XRCC3: variants seen among roughly 807,000 people sequenced by gnomAD.
The protein encoded by XRCC3 is X-ray repair cross complementing 3.
In XRCC3, 34 loss-of-function variants were observed where a neutral mutation model predicts 29.2. That is an observed-to-expected ratio of 1.16 (90% CI 0.88 to 1.55). XRCC3 has a LOEUF of 1.55. XRCC3 is among the 40% of genes most tolerant of loss of function. XRCC3 has a pLI of 0.00. For missense variants in XRCC3, 463 were observed against 467.6 expected (o/e 0.99, Z 0.09); for synonymous variants, 223 against 211.3 (o/e 1.06, Z -0.48).
intron 5 of XRCC3, 147 bp from the exon 6 acceptor site, chr14:103,707,362 G>T: frequency 1.0e-6 from 1 of 1,001,068 alleles, no homozygotes; most frequent in Non-Finnish European, 1.5e-6. Flanking sequence ...GCAAGGTGCT[G>T]AGGGCAGGGA....
In XRCC3 at chr14:103,703,247, T is replaced by A. The variant is rs1220812158; in HGVS notation, c.487A>T (p.Thr163Ser). ...QLMAQQPRLR[T>S]DVPGELLQKL... ...TGAAGCAGCTCTCCTGGAACGTCAG[T>A]GCGCAGCCGCGGCTGCTGGGCCATG... The change falls in exon 7 of 10, where the codon ACT (threonine) becomes TCT (serine). Residue 163 changes from threonine (T) to serine (S), a missense_variant. Transcript: ENST00000555055. 1.3e-6 allele frequency: 2 copies of A among 1,563,522 alleles called. No homozygotes were observed. Among genetic ancestry groups the A allele is most frequent in the African/African-American group, 2.7e-5 (2 of 73,624 alleles).
rs372985882 is a variant in XRCC3 at position 103,708,549 on chromosome 14, G to A, written c.166C>T (p.His56Tyr). Reference sequence around the variant, plus strand: ...GTAAGGATGCTGCTTCCCCGCAAGTGTAAGGAGGCCGTTCTCAGCAAGTGC... The same window carrying A: ...GTAAGGATGCTGCTTCCCCGCAAGTATAAGGAGGCCGTTCTCAGCAAGTGC... ...VWHLLRTASL[H>Y]LRGSSILTAL... Residue 56 changes from histidine (H) to tyrosine (Y), a missense_variant, in exon 5 of 10, where the codon CAC (histidine) becomes TAC (tyrosine). Coordinates refer to ENST00000555055, the MANE Select transcript of XRCC3 (RefSeq NM_005432.4). The A allele has an allele frequency of 6.8e-6, 11 of 1,613,978 alleles. No homozygotes were observed. Among genetic ancestry groups the A allele is most frequent in the African/African-American group, 1.3e-5 (1 of 74,886 alleles).
chr14:103,708,667 A>G lies in XRCC3; in HGVS notation c.56-8T>C. On this transcript the variant is annotated splice_region_variant and splice_polypyrimidine_tract_variant and intron_variant, in intron 4 of 9. Coordinates refer to ENST00000555055, the MANE Select transcript of XRCC3 (RefSeq NM_005432.4). ...TTACCGATTTCAGTTTGGCTGAAAT[A>G]ACACAGATAAATTACAGGAAAATGT... The G allele has an allele frequency of 6.2e-7, 1 of 1,614,130 alleles. No individual in the cohort carries two copies. Among genetic ancestry groups the G allele is most frequent in the Non-Finnish European group, 8.5e-7 (1 of 1,180,012 alleles).
chr14:103,708,543 G>A lies in XRCC3; in HGVS notation c.172C>T (p.Arg58Trp), dbSNP rs143410843. 3.4e-5 allele frequency: 55 copies of A among 1,614,020 alleles called. No individual in the cohort carries two copies. Among genetic ancestry groups the A allele is most frequent in the Non-Finnish European group, 4.3e-5 (51 of 1,180,022 alleles). ...HLLRTASLHL[R>W]GSSILTALQL... ...CTACCTGTAAGGATGCTGCTTCCCC[G>A]CAAGTGTAAGGAGGCCGTTCTCAGC... The change falls in exon 5 of 10, where the codon CGG (arginine) becomes TGG (tryptophan). Residue 58 changes from arginine to tryptophan, a missense_variant. Transcript: ENST00000555055.
intron 6 of XRCC3, 116 bp downstream of exon 6, chr14:103,706,887 C>G (rs1051994960): frequency 8.6e-7 from 1 of 1,159,856 alleles, no homozygotes; most frequent in African/African-American, 1.5e-5. Flanking sequence ...AGGAGGGAGA[C>G]GCAATGGTAG....
chr14:103,703,067 C>A, intron 7 of XRCC3, 106 bp downstream of exon 7: 6 of 1,507,378 alleles, frequency 4.0e-6, no homozygotes, highest in Non-Finnish European at 5.3e-6. Flanking sequence ...TGAGCCCCAA[C>A]TCTCCCTGCC....
At chr14:103,706,644 A>T in intron 6 of XRCC3, 1 of 394,692 alleles carries the variant, frequency 2.5e-6, no homozygotes, top group Non-Finnish European at 4.8e-6. Flanking sequence ...ACCCGGGGAA[A>T]GGCTGTGCTG....
rs77381814 is a variant in XRCC3 at position 103,699,410 on chromosome 14, C to A, written c.728G>T (p.Arg243Leu). The A allele has an allele frequency of 6.2e-7, 1 of 1,612,440 alleles. No homozygotes were observed. The highest frequency in any genetic ancestry group is 8.5e-7 in the Non-Finnish European group (1 of 1,179,750). ...RHLQSLGATL[R>L]ELSSAFQSPV... Reference sequence around the variant, plus strand: ...GCTCTGGAAGGCACTGCTCAGCTCACGCAGCGTGGCCCCCAGGGACTGCAG... The same window carrying A: ...GCTCTGGAAGGCACTGCTCAGCTCAAGCAGCGTGGCCCCCAGGGACTGCAG... Residue 243 changes from arginine to leucine, a missense_variant, in exon 8 of 10, where the codon CGT becomes CTT. By Grantham distance (102) the Arg-to-Leu change is moderately radical. Coordinates refer to ENST00000555055, the MANE Select transcript of XRCC3 (RefSeq NM_005432.4).
chr14:103,699,203 G>T (rs1343801369), intron 8 of XRCC3, 24 bp from the exon 9 acceptor site: 2 of 1,550,984 alleles, frequency 1.3e-6, no homozygotes, highest in Non-Finnish European at 1.7e-6. Context: ...GTCCAGGTCA[G>T]CTGCAACGGC....
chr14:103,708,229 T>A (rs907867544), intron 5 of XRCC3: 5 of 472,768 alleles, frequency 1.1e-5, no homozygotes, highest in Non-Finnish European at 2.0e-5. Flanking sequence ...GGGCTCTGGG[T>A]GCTGACTGCC....
At chr14:103,708,485 C>T in intron 5 of XRCC3, 37 bp downstream of exon 5, 3 of 1,612,502 alleles carry the variant, frequency 1.9e-6, no homozygotes, top group Non-Finnish European at 1.7e-6. Flanking sequence ...GCTGGAGCCA[C>T]ATGTCACCCC....
intron 2 of XRCC3, chr14:103,711,996 G>A (rs999558275): frequency 8.7e-6 from 3 of 346,296 alleles, no homozygotes; most frequent in African/African-American, 6.4e-5. Context: ...AGGAAAGGGC[G>A]GGCCGTGGAC....
At chr14:103,706,340 G>A in intron 6 of XRCC3, 1 of 456,090 alleles carries the variant, frequency 2.2e-6, no homozygotes, top group South Asian at 1.5e-5. Flanking sequence ...TAGCAGATGT[G>A]CTCGGAGGTG....
Position 103,698,844 on chromosome 14 carries a change from ATCG to A in XRCC3, c.992_994del (p.Thr331del). 2 of 1,607,306 alleles carry A rather than the reference ATCG, an allele frequency of 1.2e-6. No homozygotes were observed. The highest frequency in any genetic ancestry group is 1.7e-6 in the Non-Finnish European group (2 of 1,177,546). On this transcript the variant is annotated inframe_deletion, in exon 10 of 10. Transcript: ENST00000555055. ...TGTCCCTCGCACCCCTTCGGCACTG[ATCG>A]TGTAGGAACAGGAGGAGGGGGGCAG...
rs1047962571 is a variant in XRCC3, at chr14:103,699,125, G to A, written c.821+8C>T. 3.8e-6 allele frequency: 6 copies of A among 1,573,036 alleles called. No individual in the cohort carries two copies. The highest frequency in any genetic ancestry group is 3.5e-5 in the South Asian group (3 of 86,696). ...ACAGAGGTGCACACACCACATGGCT[G>A]CACTCACCCCAGCGGCCCGTGTGCT... On this transcript the variant is annotated splice_region_variant and intron_variant, in intron 9 of 9. Coordinates refer to ENST00000555055, the MANE Select transcript of XRCC3 (RefSeq NM_005432.4).
chr14:103,699,226 C>A, intron 8 of XRCC3, 47 bp from the exon 9 acceptor site: 1 of 1,543,896 alleles, frequency 6.5e-7, no homozygotes. Context: ...AGGGTCTTCT[C>A]GATGGTTAGG....
intron 6 of XRCC3, chr14:103,706,314 G>T: frequency 2.2e-6 from 1 of 455,768 alleles, no homozygotes; most frequent in South Asian, 1.5e-5. Flanking sequence ...GTCCGGCCCT[G>T]TGTGGGAAGT....
chr14:103,699,644 T>A, intron 7 of XRCC3, 68 bp from the exon 8 acceptor site: 1 of 1,532,464 alleles, frequency 6.5e-7, no homozygotes, highest in Non-Finnish European at 9.0e-7. Context: ...AGACCCCGTT[T>A]GGACTGTCAC....
Position 103,707,305 on chromosome 14 carries a change from C to T in XRCC3, c.194-90G>A, listed in dbSNP as rs2083469833. The T allele has an allele frequency of 1.5e-5, 22 of 1,482,832 alleles. 1 individual carries two copies. The South Asian group carries it at 2.3e-4, about 16-fold the overall frequency. 91.9% of individuals were successfully genotyped at this position (1,482,832 alleles called of 1,614,324 possible). A position where few individuals can be genotyped will look rare whatever the true frequency, so the allele number is the denominator to read the frequency against. ...GGAGGCATGGTCAGCCTGCCTGTGC[C>T]AGGTGCAGTGTGGCTGGAGCACAGG... On this transcript the variant is annotated intron_variant, in intron 5 of 9. Transcript: ENST00000555055.
Sources: gnomAD v4.1 joint callset for allele counts on GRCh38, gnomAD v4.1.1 for gene constraint, MANE v1.5 for transcripts, NCBI Gene and HGNC (gene_info 2026-07-23, HGNC 2026-07-21) for gene names.